Variants in DMD observed in about 807,000 individuals in gnomAD.
The protein encoded by DMD is dystrophin, also known as mutant dystrophin.
DMD carries 63 observed loss-of-function variants against 330.1 expected under a neutral mutation model. That is an observed-to-expected ratio of 0.19 (90% confidence interval 0.16 to 0.24). DMD has a LOEUF of 0.24. Among genes scored for constraint, DMD ranks in the 10% least tolerant of loss-of-function variants. The pLI, the probability that DMD is intolerant of heterozygous loss-of-function variation, is 1.00. For synonymous variants in DMD, 1,223 were observed against 959.8 expected, an observed-to-expected ratio of 1.27 and a Z score of -5.07; for missense variants, 3,344 against 2,684.1, an observed-to-expected ratio of 1.25 and a Z score of -5.43.
At chrX:32,663,305 C>A (rs1469353200) in intron 9 of DMD, among the ~76,000 whole-genome samples, 1 of 111,092 alleles carries the variant, frequency 9.0e-6, no homozygotes. Context: ...GTGTTATATC[C>A]ATTATTATTT....
At chrX:32,717,489 G>C (rs748844857) in intron 7 of DMD, among the ~76,000 whole-genome samples, 47 of 112,055 alleles carry the variant, frequency 4.2e-4, no homozygotes, top group African/African-American at 1.4e-3. Flanking sequence ...AGATTTCAGA[G>C]AATGTGTGGA....
chrX:32,323,156 C>G (rs1450148277), intron 41 of DMD, among the ~76,000 whole-genome samples: 1 of 112,005 alleles, frequency 8.9e-6, no homozygotes, highest in Non-Finnish European at 1.9e-5. Context: ...CAACTATTTA[C>G]ATAGCATTTA....
chrX:33,193,999 G>A (rs1040395514), intron 1 of DMD, among the ~76,000 whole-genome samples: 4 of 109,949 alleles, frequency 3.6e-5, no homozygotes, highest in African/African-American at 1.3e-4. Context: ...ATCTAGTAGC[G>A]GAGATAATAT....
intron 2 of DMD, among the ~76,000 whole-genome samples, chrX:32,866,417 A>C (rs1044602701): frequency 8.9e-6 from 1 of 112,100 alleles, no homozygotes; most frequent in Non-Finnish European, 1.9e-5. Context: ...TTCTACACAG[A>C]AGATGTCTGA....
chrX:31,358,623 G>A (rs1029394781), intron 60 of DMD, among the ~76,000 whole-genome samples: 7 of 112,319 alleles, frequency 6.2e-5, no homozygotes, highest in African/African-American at 9.7e-5. Flanking sequence ...TAATCTTAAC[G>A]TATAGCAGTG....
Position 32,463,825 on chromosome X carries a change from A to C in DMD, c.3277-231T>G, listed in dbSNP as rs3761608. ...GTGGGGAATTATTTGTATTCTACTT[A>C]TATCAGAAACAAAAGGAAATAAATT... On this transcript the variant is annotated intron_variant, in intron 24 of 78. Transcript: ENST00000357033. 6.7e-3 allele frequency among the ~76,000 whole-genome samples: 747 copies of C among 112,158 alleles called. 7 individuals are homozygous for C. The highest frequency in any genetic ancestry group is 0.056 in the South Asian group (152 of 2,707).
chrX:31,206,266 T>C (rs891053624), intron 66 of DMD, among the ~76,000 whole-genome samples: 1 of 112,466 alleles, frequency 8.9e-6, no homozygotes, highest in Non-Finnish European at 1.9e-5. Flanking sequence ...TTCACACTTA[T>C]TTTTCCGACT....
At chrX:32,044,610 G>T (rs1381800768) in intron 44 of DMD, among the ~76,000 whole-genome samples, 2 of 109,526 alleles carry the variant, frequency 1.8e-5, no homozygotes, top group Admixed American at 9.7e-5. Context: ...TTTTAGTAGA[G>T]ACGGGGTTTC....
intron 1 of DMD, among the ~76,000 whole-genome samples, chrX:33,200,596 TTAAAA>T (rs1268605153): frequency 8.9e-6 from 1 of 111,773 alleles, no homozygotes; most frequent in Non-Finnish European, 1.9e-5. Flanking sequence ...TCAGCATTGA[TTAAAA>T]TAAAATAAAT....
chrX:33,189,469 T>A (rs1245839508), intron 1 of DMD, among the ~76,000 whole-genome samples: 9 of 111,616 alleles, frequency 8.1e-5, no homozygotes, highest in Non-Finnish European at 1.1e-4. Flanking sequence ...AAACCATACC[T>A]AACCTCCATT....
intron 2 of DMD, among the ~76,000 whole-genome samples, chrX:32,952,030 G>A (rs767528255): frequency 4.5e-5 from 5 of 111,253 alleles, no homozygotes; most frequent in Non-Finnish European, 9.4e-5. Flanking sequence ...TATTGTTGAT[G>A]GGGTGTTTTC....
rs1279669787 is a variant in DMD at position 32,220,011 on chromosome X, G to T, written c.6291-2948C>A. Among the ~76,000 whole-genome samples, 6 of 111,150 alleles carry T rather than the reference G, an allele frequency of 5.4e-5. No individual in the cohort carries two copies. In the Admixed American group the frequency reaches 5.8e-4, roughly 11 times the overall value. ...CTCCCAAGAGAAGAAAACCGTAAGGGTTCATACACTTGCTCATGGTATCCG... is the reference window on the plus strand; with the variant it reads ...CTCCCAAGAGAAGAAAACCGTAAGGTTTCATACACTTGCTCATGGTATCCG... On this transcript the variant is annotated intron_variant, in intron 43 of 78. Transcript: ENST00000357033.
intron 51 of DMD, among the ~76,000 whole-genome samples, chrX:31,756,777 G>A (rs778247335): frequency 1.2e-4 from 13 of 112,478 alleles, no homozygotes; most frequent in African/African-American, 4.2e-4. Flanking sequence ...AGTGTTTGAA[G>A]GCAATTTGGT....
intron 12 of DMD, among the ~76,000 whole-genome samples, chrX:32,604,803 A>G (rs768405597): frequency 9.1e-4 from 71 of 77,902 alleles, no homozygotes; most frequent in Middle Eastern, 6.1e-3. Context: ...CTCATTTACA[A>G]CAACTACAAA....
chrX:31,543,167 T>TTTTTA (rs200452886), intron 55 of DMD, among the ~76,000 whole-genome samples: 86 of 110,509 alleles, frequency 7.8e-4, no homozygotes, highest in African/African-American at 2.8e-3. Context: ...TTATTTTTTA[T>TTTTTA]TTTTATTTTA....
chrX:32,038,511 G>A (rs1039494522), intron 44 of DMD, among the ~76,000 whole-genome samples: 2 of 111,108 alleles, frequency 1.8e-5, no homozygotes, highest in Non-Finnish European at 3.8e-5. Context: ...AGTATCTCTG[G>A]GCGAGGTCAT....
intron 2 of DMD, among the ~76,000 whole-genome samples, chrX:32,925,290 C>T (rs767221935): frequency 9.3e-6 from 1 of 107,887 alleles, no homozygotes; most frequent in Non-Finnish European, 1.9e-5. Flanking sequence ...TAGATACTAA[C>T]GTTGTACTGG....
At chrX:31,253,510 T>TA (rs1442124724) in intron 63 of DMD, among the ~76,000 whole-genome samples, 5 of 112,009 alleles carry the variant, frequency 4.5e-5, no homozygotes, top group African/African-American at 9.7e-5. Flanking sequence ...TAATGGAATG[T>TA]AGAAAGCCTA....
chrX:31,679,706 T>C, intron 52 of DMD, 120 bp from the exon 53 acceptor site: 3 of 615,024 alleles, frequency 4.9e-6, no homozygotes, highest in Non-Finnish European at 7.7e-6. Flanking sequence ...TTATTCATTG[T>C]GTTATGGCTA....
Sources: allele counts gnomAD v4.1 joint callset (sites outside exome capture counted in the v4.1 genomes callset), GRCh38; gene constraint gnomAD v4.1.1; transcripts MANE v1.5; gene names NCBI Gene and HGNC (gene_info 2026-07-23, HGNC 2026-07-21).